The following ZFYVE9 variants were observed in gnomAD, a reference collection of about 807,000 sequenced individuals.
ZFYVE9 encodes the protein zinc finger FYVE-type containing 9.
A neutral mutation model predicts 126.7 loss-of-function variants in ZFYVE9; 43 were observed. The ratio of observed to expected loss-of-function variants is 0.34; its 90% confidence interval spans 0.27 to 0.44. The LOEUF is 0.44. Among genes scored for constraint, ZFYVE9 ranks in the 20% least tolerant of loss-of-function variants. The pLI is 1.00. For missense variants in ZFYVE9, 1,476 were observed against 1,697.0 expected (o/e 0.87, Z 2.29); for synonymous variants, 521 against 597.4 (o/e 0.87, Z 1.87).
intron 7 of ZFYVE9, among the ~76,000 whole-genome samples, chr1:52,269,115 T>C (rs1422390386): frequency 6.6e-6 from 1 of 152,138 alleles, no homozygotes; most frequent in African/African-American, 2.4e-5. Flanking sequence ...CAAGTCCACA[T>C]TTTACATTAG....
rs190631661 is a variant in ZFYVE9, at chr1:52,319,739, G to A, written c.3439-13029G>A. Among the ~76,000 whole-genome samples the A allele has an allele frequency of 2.6e-5, 4 of 152,006 alleles. No individual in the cohort carries two copies. The East Asian group carries it at 7.8e-4, about 30-fold the overall frequency. ...CTTTGAAAAAGAACATAATAGCCAG[G>A]CGCAGTGGCTCAGGCCTGTAATCCC... On this transcript the variant is annotated intron_variant, in intron 13 of 18. Coordinates refer to ENST00000287727, the MANE Select transcript of ZFYVE9 (RefSeq NM_004799.4).
chr1:52,252,733 G>A (rs1645463659), intron 4 of ZFYVE9: 1 of 459,844 alleles, frequency 2.2e-6, no homozygotes. Context: ...AAATCCTGCA[G>A]CAGCAATGGT....
intron 4 of ZFYVE9, among the ~76,000 whole-genome samples, chr1:52,253,086 C>A (rs12026327): frequency 6.6e-6 from 1 of 152,034 alleles, no homozygotes; most frequent in Admixed American, 6.6e-5. Flanking sequence ...CCAGGGTAAT[C>A]GAGGCTGCAG....
chr1:52,315,391 C>T (rs986777872), intron 13 of ZFYVE9, among the ~76,000 whole-genome samples: 8 of 152,078 alleles, frequency 5.3e-5, no homozygotes, highest in Non-Finnish European at 1.0e-4. Context: ...TCACACCATT[C>T]CACTCCAGCT....
At chr1:52,181,829 A>G (rs1461889356) in intron 1 of ZFYVE9, among the ~76,000 whole-genome samples, 1 of 149,216 alleles carries the variant, frequency 6.7e-6, no homozygotes, top group African/African-American at 2.5e-5. Flanking sequence ...CTGAGAAGCG[A>G]GGAGCCCCTC....
At chr1:52,215,108 A>G (rs1165001074) in intron 1 of ZFYVE9, among the ~76,000 whole-genome samples, 1 of 152,230 alleles carries the variant, frequency 6.6e-6, no homozygotes, top group Non-Finnish European at 1.5e-5. Flanking sequence ...AAAACTATAT[A>G]TATGATTTGA....
chr1:52,194,563 T>C (rs916550195), intron 1 of ZFYVE9, among the ~76,000 whole-genome samples: 2 of 152,166 alleles, frequency 1.3e-5, no homozygotes. Flanking sequence ...ACCTGTGAGA[T>C]TGGTAAAAGA....
chr1:52,209,146 A>T (rs1264847271), intron 1 of ZFYVE9, among the ~76,000 whole-genome samples: 1 of 152,138 alleles, frequency 6.6e-6, no homozygotes, highest in African/African-American at 2.4e-5. Context: ...AAGTGCTCTG[A>T]TAGGGGTAAA....
chr1:52,308,907 C>G (rs1400945095), intron 13 of ZFYVE9, among the ~76,000 whole-genome samples: 2 of 152,074 alleles, frequency 1.3e-5, no homozygotes, highest in Non-Finnish European at 2.9e-5. Flanking sequence ...AGTGGGTTAG[C>G]AAGAAATATC....
chr1:52,286,759 C>G (rs1645864933), intron 10 of ZFYVE9, among the ~76,000 whole-genome samples: 1 of 152,142 alleles, frequency 6.6e-6, no homozygotes, highest in Non-Finnish European at 1.5e-5. Context: ...CTTTGTATTG[C>G]CTTTAGAATA....
chr1:52,250,448 C>A (rs1214587650), intron 4 of ZFYVE9, among the ~76,000 whole-genome samples: 1 of 152,028 alleles, frequency 6.6e-6, no homozygotes, highest in Non-Finnish European at 1.5e-5. Context: ...ATGCAATGGA[C>A]TTTTTTGTTG....
chr1:52,177,113 C>T (rs562759120), intron 1 of ZFYVE9, among the ~76,000 whole-genome samples: 36 of 151,836 alleles, frequency 2.4e-4, no homozygotes, highest in South Asian at 6.3e-4. Context: ...TAGACCGGAG[C>T]TGTTCCTATT....
At chr1:52,212,203 G>GTCA (rs1645034594) in intron 1 of ZFYVE9, among the ~76,000 whole-genome samples, 1 of 152,166 alleles carries the variant, frequency 6.6e-6, no homozygotes, top group Admixed American at 6.5e-5. Context: ...GGAGTGCAGT[G>GTCA]TCATGATCAC....
chr1:52,250,877 A>AT lies in ZFYVE9; in HGVS notation c.2178+11291dup, dbSNP rs1217436902. On this transcript the variant is annotated intron_variant, in intron 4 of 18. Coordinates refer to ENST00000287727, the MANE Select transcript of ZFYVE9 (RefSeq NM_004799.4). Reference sequence around the variant, plus strand: ...AGGCGTGCACTACCACACCTGGCTAATTTTTTTTTATTTTTAGTAGACATG... The same window carrying AT: ...AGGCGTGCACTACCACACCTGGCTAATTTTTTTTTTATTTTTAGTAGACATG... Among the ~76,000 whole-genome samples the AT allele has an allele frequency of 7.3e-5, 11 of 150,862 alleles. No individual in the cohort carries two copies. In the South Asian group the frequency reaches 1.5e-3, roughly 20 times the overall value.
intron 8 of ZFYVE9, among the ~76,000 whole-genome samples, chr1:52,277,154 G>A (rs1414973803): frequency 1.3e-5 from 2 of 152,020 alleles, no homozygotes; most frequent in African/African-American, 4.8e-5. Context: ...AACTAAATTG[G>A]CCTACTCTGT....
At chr1:52,228,134 A>G (rs1214028558) in intron 2 of ZFYVE9, among the ~76,000 whole-genome samples, 3 of 152,158 alleles carry the variant, frequency 2.0e-5, no homozygotes, top group East Asian at 3.8e-4. Context: ...GCTAGAGTGC[A>G]GTGCCACCAT....
chr1:52,218,855 G>A (rs373199985), intron 2 of ZFYVE9, among the ~76,000 whole-genome samples: 11 of 152,234 alleles, frequency 7.2e-5, no homozygotes, highest in African/African-American at 2.4e-4. Flanking sequence ...TTTCAAAGAT[G>A]CCTGTAGGGT....
intron 1 of ZFYVE9, chr1:52,180,414 T>C: frequency 6.8e-7 from 1 of 1,479,546 alleles, no homozygotes; most frequent in East Asian, 2.3e-5. Flanking sequence ...AAGAGATGAG[T>C]TGCAGTGAAA....
At chr1:52,180,321 C>T (rs1292100198) in intron 1 of ZFYVE9, 26 of 1,578,500 alleles carry the variant, frequency 1.6e-5, no homozygotes, top group Non-Finnish European at 2.0e-5. Flanking sequence ...TGATAGGAAT[C>T]TGCCCATGAT....
Sources: allele counts gnomAD v4.1 joint callset (sites outside exome capture counted in the v4.1 genomes callset), GRCh38; gene constraint gnomAD v4.1.1; transcripts MANE v1.5; gene names NCBI Gene and HGNC (gene_info 2026-07-23, HGNC 2026-07-21).